Variants in ROBO2 observed in about 807,000 individuals in gnomAD.
ROBO2 encodes the protein roundabout guidance receptor 2, also known as roundabout homolog 2.
ROBO2 carries 53 observed loss-of-function variants against 160.8 expected under a neutral mutation model. The ratio of observed to expected loss-of-function variants is 0.33; its 90% CI spans 0.26 to 0.41. The LOEUF (loss-of-function observed/expected upper bound fraction) is 0.41. ROBO2 is among the 10% of genes least tolerant of loss of function. The pLI is 1.00. For missense variants in ROBO2, 1,577 were observed against 1,722.4 expected (o/e 0.92, Z 1.49); for synonymous variants, 664 against 611.7 (o/e 1.09, Z -1.26).
intron 2 of ROBO2, among the ~76,000 whole-genome samples, chr3:76,510,569 C>G (rs529635712): frequency 1.3e-5 from 2 of 152,108 alleles, no homozygotes; most frequent in East Asian, 3.9e-4. Flanking sequence ...ACCAAAAATG[C>G]ACAAATTAGC....
At chr3:76,483,408 T>C (rs1463780182) in intron 2 of ROBO2, among the ~76,000 whole-genome samples, 1 of 152,016 alleles carries the variant, frequency 6.6e-6, no homozygotes, top group African/African-American at 2.4e-5. Flanking sequence ...TGGGGTGTGA[T>C]TGATTCCATC....
intron 2 of ROBO2, among the ~76,000 whole-genome samples, chr3:76,344,842 C>CA (rs1186659410): frequency 6.6e-6 from 1 of 152,128 alleles, no homozygotes; most frequent in East Asian, 1.9e-4. Context: ...TGACTGTGGA[C>CA]AAAATGTATA....
At chr3:76,986,711 A>C (rs72902042) in intron 2 of ROBO2, among the ~76,000 whole-genome samples, 128 of 152,294 alleles carry the variant, frequency 8.4e-4, no homozygotes, top group African/African-American at 2.9e-3. Flanking sequence ...CACCACTAGA[A>C]AAATATGAAA....
At chr3:76,134,957 G>T (rs556991230) in intron 2 of ROBO2, among the ~76,000 whole-genome samples, 2 of 152,094 alleles carry the variant, frequency 1.3e-5, no homozygotes, top group South Asian at 2.1e-4. Flanking sequence ...TTTGATTGTT[G>T]ACCATATAAT....
chr3:77,335,962 T>C (rs1409128795), intron 2 of ROBO2, among the ~76,000 whole-genome samples: 1 of 152,176 alleles, frequency 6.6e-6, no homozygotes, highest in Non-Finnish European at 1.5e-5. Context: ...ATTGTCATAA[T>C]GGAGGTATAT....
chr3:77,389,430 G>T (rs951453717), intron 2 of ROBO2, among the ~76,000 whole-genome samples: 18 of 152,154 alleles, frequency 1.2e-4, no homozygotes, highest in Admixed American at 7.9e-4. Flanking sequence ...ACTTTATTAG[G>T]CACCACAGAC....
intron 2 of ROBO2, among the ~76,000 whole-genome samples, chr3:76,074,148 A>C (rs553606927): frequency 2.0e-5 from 3 of 151,836 alleles, no homozygotes; most frequent in Admixed American, 1.3e-4. Context: ...AGGTCCATGA[A>C]GGTCATTTCT....
intron 2 of ROBO2, among the ~76,000 whole-genome samples, chr3:76,099,798 T>G (rs1201477324): frequency 2.0e-5 from 3 of 152,074 alleles, no homozygotes; most frequent in Non-Finnish European, 4.4e-5. Context: ...AGGGAGGAAA[T>G]GAAGGTGTGA....
chr3:77,525,606 G>T (rs954830979), intron 6 of ROBO2, among the ~76,000 whole-genome samples: 1 of 150,838 alleles, frequency 6.6e-6, no homozygotes, highest in African/African-American at 2.4e-5. Context: ...CACAAACTGC[G>T]TATTTGTAAG....
chr3:76,041,816 T>C (rs559452103), intron 2 of ROBO2, among the ~76,000 whole-genome samples: 1 of 152,112 alleles, frequency 6.6e-6, no homozygotes, highest in East Asian at 1.9e-4. Context: ...TTTTGGCTTT[T>C]GGAAATAAAG....
chr3:77,381,431 T>C (rs1455272065), intron 2 of ROBO2, among the ~76,000 whole-genome samples: 1 of 152,138 alleles, frequency 6.6e-6, no homozygotes, highest in Admixed American at 6.5e-5. Context: ...TGATCAGATT[T>C]CCAGTCTCTT....
chr3:76,800,297 G>A (rs933662973), intron 2 of ROBO2, among the ~76,000 whole-genome samples: 1 of 152,154 alleles, frequency 6.6e-6, no homozygotes, highest in Non-Finnish European at 1.5e-5. Context: ...GACTCTTCAA[G>A]ACATTGGCCT....
At chr3:76,781,009 T>C (rs1470255915) in intron 2 of ROBO2, among the ~76,000 whole-genome samples, 2 of 150,812 alleles carry the variant, frequency 1.3e-5, no homozygotes, top group African/African-American at 4.8e-5. Context: ...TTAGGTATTA[T>C]GAACATTTCA....
intron 2 of ROBO2, among the ~76,000 whole-genome samples, chr3:77,300,182 AATT>A (rs2062529201): frequency 1.5e-5 from 2 of 131,186 alleles, no homozygotes; most frequent in Admixed American, 7.7e-5. Context: ...TAGGGAAATG[AATT>A]TTTTTTTTTT....
At chr3:76,080,195 G>A (rs747848402) in intron 2 of ROBO2, among the ~76,000 whole-genome samples, 4 of 152,108 alleles carry the variant, frequency 2.6e-5, no homozygotes, top group Non-Finnish European at 4.4e-5. Context: ...GGATGCTGAC[G>A]AAAACACCCC....
chr3:77,114,469 A>G (rs980834905), intron 2 of ROBO2, among the ~76,000 whole-genome samples: 7 of 152,138 alleles, frequency 4.6e-5, no homozygotes, highest in Non-Finnish European at 8.8e-5. Flanking sequence ...TATAGTTGGC[A>G]AGTAATTGAT....
chr3:76,156,161 C>T (rs775294961), intron 2 of ROBO2, among the ~76,000 whole-genome samples: 4 of 151,796 alleles, frequency 2.6e-5, no homozygotes, highest in Admixed American at 1.3e-4. Flanking sequence ...ATCAGAACAT[C>T]GTAAGTGCTG....
At chr3:76,455,682 A>G (rs1352017496) in intron 2 of ROBO2, among the ~76,000 whole-genome samples, 5 of 152,118 alleles carry the variant, frequency 3.3e-5, no homozygotes, top group East Asian at 3.9e-4. Flanking sequence ...CTGTACTTTT[A>G]TTGACCAGTT....
chr3:76,242,213 C>G (rs1705330161), intron 2 of ROBO2, among the ~76,000 whole-genome samples: 1 of 152,130 alleles, frequency 6.6e-6, no homozygotes, highest in South Asian at 2.1e-4. Flanking sequence ...TTGTGCGGCC[C>G]TGTTCTAGCC....
Sources: allele counts gnomAD v4.1 joint callset (sites outside exome capture counted in the v4.1 genomes callset), GRCh38; gene constraint gnomAD v4.1.1; transcripts MANE v1.5; gene names NCBI Gene and HGNC (gene_info 2026-07-23, HGNC 2026-07-21).